SAXO2: variants seen among roughly 807,000 people sequenced by gnomAD.
The protein encoded by SAXO2 is family with sequence similarity 154, member B.
In SAXO2, 17 loss-of-function variants were observed where a neutral mutation model predicts 18.7. The ratio of observed to expected loss-of-function variants is 0.91; its 90% confidence interval spans 0.62 to 1.36. SAXO2 has a LOEUF of 1.36. Ranked by LOEUF, SAXO2 falls within the 40% of genes most tolerant of loss-of-function variation. The pLI is 0.00. For missense variants in SAXO2, 486 were observed against 562.6 expected, an observed-to-expected ratio of 0.86 and a Z score of 1.38; for synonymous variants, 163 against 181.2, an observed-to-expected ratio of 0.90 and a Z score of 0.81.
intron 1 of SAXO2, chr15:82,263,350 C>T (rs1467537029): frequency 8.4e-6 from 7 of 829,152 alleles, no homozygotes; most frequent in African/African-American, 3.4e-5. Flanking sequence ...CATTTTCTTT[C>T]ATCTGTAGCT....
intron 2 of SAXO2, among the ~76,000 whole-genome samples, chr15:82,269,532 A>G (rs1392075760): frequency 7.9e-5 from 12 of 152,172 alleles, no homozygotes; most frequent in Admixed American, 5.9e-4. Context: ...AGTGTTGTCT[A>G]TGTCCTACAG....
chr15:82,271,150 T>C (rs757792656), intron 2 of SAXO2, among the ~76,000 whole-genome samples: 4 of 152,140 alleles, frequency 2.6e-5, no homozygotes, highest in Non-Finnish European at 4.4e-5. Context: ...CAGCATGAAT[T>C]CAAAAAGAAG....
chr15:82,263,058 A>G, intron 1 of SAXO2, 126 bp downstream of exon 1: 1 of 1,527,116 alleles, frequency 6.5e-7, no homozygotes, highest in South Asian at 1.2e-5. Flanking sequence ...ACGAGGGCGC[A>G]GCGACATCCC....
At position 82,282,572 on chromosome 15, in the gene SAXO2, C is replaced by G. The variant is rs556428710; in HGVS notation, c.887C>G (p.Pro296Arg). ...CCACCACCTGAGGTCAAGAAAGTACCAGAGTATGTGCCTCCTACAGGTAGC... is the reference window on the plus strand; with the variant it reads ...CCACCACCTGAGGTCAAGAAAGTACGAGAGTATGTGCCTCCTACAGGTAGC... ...EIPPPEVKKV[P>R]EYVPPTGSML... is the part of the protein sequence containing the mutation. Residue 296 changes from proline (P) to arginine (R), a missense_variant, in exon 4 of 4, where the codon CCA becomes CGA. Transcript: ENST00000682753. 1 of 1,614,108 alleles carries G rather than the reference C, an allele frequency of 6.2e-7. No individual in the cohort carries two copies. The highest frequency in any genetic ancestry group is 1.1e-5 in the South Asian group (1 of 91,056).
At chr15:82,269,655 C>T (rs938120898) in intron 2 of SAXO2, among the ~76,000 whole-genome samples, 1 of 152,048 alleles carries the variant, frequency 6.6e-6, no homozygotes, top group African/African-American at 2.4e-5. Context: ...GCAGGAATGA[C>T]TTGATCAGAT....
At chr15:82,272,583 C>T (rs1484553343) in intron 3 of SAXO2, among the ~76,000 whole-genome samples, 1 of 152,072 alleles carries the variant, frequency 6.6e-6, no homozygotes, top group Non-Finnish European at 1.5e-5. Flanking sequence ...GTTCTGTCAC[C>T]CAGGCTGGAG....
intron 3 of SAXO2, among the ~76,000 whole-genome samples, chr15:82,272,757 G>A (rs1056044127): frequency 6.6e-6 from 1 of 151,694 alleles, no homozygotes; most frequent in African/African-American, 2.4e-5. Flanking sequence ...TGGCCAGGCT[G>A]GTCACGAACT....
chr15:82,271,902 T>A (rs2075275718), intron 3 of SAXO2, 100 bp downstream of exon 3: 2 of 999,562 alleles, frequency 2.0e-6, no homozygotes, highest in Admixed American at 4.9e-5. Flanking sequence ...CTGCCAAACT[T>A]AGCCTCCATG....
chr15:82,264,736 C>G, intron 1 of SAXO2: 2 of 702,380 alleles, frequency 2.8e-6, no homozygotes, highest in Non-Finnish European at 5.2e-6. Flanking sequence ...GAGCTGTAGA[C>G]TCCAGAATCA....
intron 1 of SAXO2, among the ~76,000 whole-genome samples, chr15:82,265,249 C>A (rs1188226870): frequency 6.6e-6 from 1 of 152,200 alleles, no homozygotes; most frequent in African/African-American, 2.4e-5. Flanking sequence ...CACGCCATTT[C>A]CCTGCCTCAG....
At chr15:82,268,962 T>C (rs1212864814) in intron 2 of SAXO2, among the ~76,000 whole-genome samples, 2 of 152,230 alleles carry the variant, frequency 1.3e-5, no homozygotes, top group Admixed American at 1.3e-4. Flanking sequence ...ACTTCCTGAC[T>C]GCATTTTAGC....
chr15:82,267,637 A>G (rs2075232034), intron 2 of SAXO2, among the ~76,000 whole-genome samples: 1 of 152,218 alleles, frequency 6.6e-6, no homozygotes. Context: ...GATGCAGCTC[A>G]TTCTTATATA....
rs72410475 is a variant in SAXO2, at chr15:82,283,152, TAATA to T, written c.*94_*97del. On this transcript the variant is annotated 3_prime_UTR_variant, in exon 4 of 4. Transcript: ENST00000682753. ...TTTTATAGTTAAAAAATTTATGATA[TAATA>T]AATCATTTTTTATATTTTTAAACAA... 0.2 allele frequency: 158,261 copies of T among 792,884 alleles called. 18,198 individuals are homozygous for T. The highest frequency in any genetic ancestry group is 0.23 in the Non-Finnish European group (130,134 of 566,056). 49.1% of individuals were successfully genotyped at this position (792,884 alleles called of 1,614,324 possible). A position where few individuals can be genotyped will look rare whatever the true frequency, so the allele number is the denominator to read the frequency against.
At chr15:82,269,024 T>C (rs1363666250) in intron 2 of SAXO2, among the ~76,000 whole-genome samples, 1 of 152,200 alleles carries the variant, frequency 6.6e-6, no homozygotes, top group African/African-American at 2.4e-5. Context: ...CTCAGATGTC[T>C]TGACAAGCAG....
chr15:82,269,847 A>G (rs1320169616), intron 2 of SAXO2, among the ~76,000 whole-genome samples: 2 of 152,172 alleles, frequency 1.3e-5, no homozygotes, highest in Non-Finnish European at 2.9e-5. Context: ...AGGGATATTT[A>G]TGAGGCAAAA....
Position 82,283,122 on chromosome 15 carries a change from T to C in SAXO2, c.*60T>C. On this transcript the variant is annotated 3_prime_UTR_variant, in exon 4 of 4. Transcript: ENST00000682753. Reference sequence around the variant, plus strand: ...AGTTGTTGTTTTTCCAAGAGAAAACTCAATTTTTATAGTTAAAAAATTTAT... The same window carrying C: ...AGTTGTTGTTTTTCCAAGAGAAAACCCAATTTTTATAGTTAAAAAATTTAT... 6 of 1,172,458 alleles carry C rather than the reference T, an allele frequency of 5.1e-6. No homozygotes were observed. The highest frequency in any genetic ancestry group is 6.7e-6 in the Non-Finnish European group (6 of 893,398). The allele number at this position is 1,172,458 out of a possible 1,614,324, so 72.6% of individuals were successfully genotyped here. A position where few individuals can be genotyped will look rare whatever the true frequency, so the allele number is the denominator to read the frequency against.
chr15:82,278,136 C>G (rs2075331461), intron 3 of SAXO2, among the ~76,000 whole-genome samples: 1 of 152,148 alleles, frequency 6.6e-6, no homozygotes, highest in African/African-American at 2.4e-5. Flanking sequence ...AGATGTATTG[C>G]AACTTGATGA....
Position 82,282,679 on chromosome 15 carries a change from A to T in SAXO2, c.994A>T (p.Lys332Ter), listed in dbSNP as rs1473043697. Reference sequence around the variant, plus strand: ...TGTTCCCATCAGGCCAGTTTCTCAAAAAAGAAGTAACAATTTTCCTTTCCA... The same window carrying T: ...TGTTCCCATCAGGCCAGTTTCTCAATAAAGAAGTAACAATTTTCCTTTCCA... ...HVVPIRPVSQ[K>*]RSNNFPFQGK... The change falls in exon 4 of 4, where the codon AAA becomes TAA. Residue 332 changes from lysine to a stop codon, truncating the protein, a stop_gained. Coordinates refer to ENST00000682753, the MANE Select transcript of SAXO2 (RefSeq NM_001348699.2). LOFTEE classifies it high-confidence loss of function. 6.2e-7 allele frequency: 1 copy of T among 1,614,172 alleles called. No individual in the cohort carries two copies. Among genetic ancestry groups the T allele is most frequent in the East Asian group, 2.2e-5 (1 of 44,892 alleles).
chr15:82,263,359 C>T lies in SAXO2; in HGVS notation c.53+427C>T, dbSNP rs1400878382. 7.6e-6 allele frequency: 6 copies of T among 790,332 alleles called. No individual in the cohort carries two copies. The Admixed American group carries it at 8.0e-5, about 11-fold the overall frequency. 49.0% of individuals were successfully genotyped at this position (790,332 alleles called of 1,614,324 possible). The stretch of plus-strand genomic sequence containing the variant: ...ATATCACATTTTCTTTCATCTGTAG[C>T]TTTCTGTCCTCCCAGCCAGACCATA... On this transcript the variant is annotated intron_variant, in intron 1 of 3. Transcript: ENST00000682753.
Sources: allele counts gnomAD v4.1 joint callset (sites outside exome capture counted in the v4.1 genomes callset), GRCh38; gene constraint gnomAD v4.1.1; transcripts MANE v1.5; gene names NCBI Gene and HGNC (gene_info 2026-07-23, HGNC 2026-07-21).